SUCLG2: variants seen among roughly 807,000 people sequenced by gnomAD.
The protein encoded by SUCLG2 is succinate-CoA ligase GDP-forming subunit beta, also known as succinate--CoA ligase [GDP-forming] subunit beta, mitochondrial.
SUCLG2 carries 42 observed loss-of-function variants against 47.9 expected under a neutral mutation model. The ratio of observed to expected loss-of-function variants is 0.88; its 90% confidence interval spans 0.69 to 1.14. The LOEUF is 1.14. Ranked by LOEUF, SUCLG2 falls within the 50% of genes most tolerant of loss-of-function variation. The pLI is 0.00. For missense variants in SUCLG2, 571 were observed against 525.9 expected (o/e 1.09, Z -0.84); for synonymous variants, 195 against 197.3 (o/e 0.99, Z 0.10).
In SUCLG2 at chr3:67,581,283, A is replaced by C. The variant is rs78148016; in HGVS notation, c.226+28172T>G. The stretch of plus-strand genomic sequence containing the variant: ...AGAAGGCACAAGATCAAAAGTACGT[A>C]GTACCCAGCTATTTGTTAATACTGA... On this transcript the variant is annotated intron_variant, in intron 2 of 10. Transcript: ENST00000307227. Among the ~76,000 whole-genome samples, 320 of 152,362 alleles carry C rather than the reference A, an allele frequency of 2.1e-3. 1 individual carries two copies. Among genetic ancestry groups the C allele is most frequent in the African/African-American group, 7.4e-3 (307 of 41,590 alleles).
intron 1 of SUCLG2, among the ~76,000 whole-genome samples, chr3:67,639,023 G>A (rs563633832): frequency 2.0e-5 from 3 of 152,144 alleles, no homozygotes; most frequent in Non-Finnish European, 4.4e-5. Flanking sequence ...CCGTGGCCTT[G>A]TCCAGCTGCA....
intron 9 of SUCLG2, among the ~76,000 whole-genome samples, chr3:67,491,639 T>C (rs1479343083): frequency 6.6e-6 from 1 of 152,196 alleles, no homozygotes; most frequent in Non-Finnish European, 1.5e-5. Flanking sequence ...ATTACAGGCA[T>C]GAGCCACCGC....
rs1421257491 is a variant in SUCLG2 at position 67,400,918 on chromosome 3, T to C, written c.1063-67A>G. The C allele has an allele frequency of 1.6e-5, 25 of 1,598,126 alleles. No individual in the cohort carries two copies. In the South Asian group the frequency reaches 2.8e-4, roughly 18 times the overall value. ...GCCAACAGTCTCAAAAATAACTGGTTAAATAATAGAGACAATTAAAATAAG... is the reference window on the plus strand; with the variant it reads ...GCCAACAGTCTCAAAAATAACTGGTCAAATAATAGAGACAATTAAAATAAG... On this transcript the variant is annotated intron_variant, in intron 9 of 10. Transcript: ENST00000307227.
At chr3:67,373,961 C>T (rs1034423795), downstream of SUCLG2, among the ~76,000 whole-genome samples, 2 of 152,116 alleles carry the variant, frequency 1.3e-5, no homozygotes, top group African/African-American at 2.4e-5. Context: ...TGTTATTAAC[C>T]CTTTTATGAA....
rs1437252233 is a variant in SUCLG2, at chr3:67,495,802, G to C, written c.1058C>G (p.Pro353Arg). The change falls in exon 9 of 11, where the codon CCT (proline) becomes CGT (arginine). Residue 353 changes from proline (P) to arginine (R), a missense_variant. Coordinates refer to ENST00000307227, the MANE Select transcript of SUCLG2 (RefSeq NM_003848.4). ...CCCTACAAAGAGAAAGGTTACCTTA[G>C]GATCAGCTGTGAGCAATTTGAATGC... ...YQAFKLLTAD[P>R]KVEAILVNIF... is the part of the protein sequence containing the mutation. 1 of 1,613,718 alleles carries C rather than the reference G, an allele frequency of 6.2e-7. No individual in the cohort carries two copies. The highest frequency in any genetic ancestry group is 1.7e-5 in the Admixed American group (1 of 59,996).
At chr3:67,583,851 C>G (rs1707942505) in intron 2 of SUCLG2, among the ~76,000 whole-genome samples, 1 of 152,224 alleles carries the variant, frequency 6.6e-6, no homozygotes, top group Non-Finnish European at 1.5e-5. Context: ...CTTCTGACTT[C>G]CTCTACTTCC....
intron 1 of SUCLG2, among the ~76,000 whole-genome samples, chr3:67,628,167 T>G (rs1700867204): frequency 6.6e-6 from 1 of 152,212 alleles, no homozygotes; most frequent in Non-Finnish European, 1.5e-5. Flanking sequence ...AGTAAATACT[T>G]CCCTGTTTCA....
At chr3:67,537,591 G>A (rs1454847272) in intron 2 of SUCLG2, among the ~76,000 whole-genome samples, 2 of 152,166 alleles carry the variant, frequency 1.3e-5, no homozygotes, top group Non-Finnish European at 2.9e-5. Flanking sequence ...GCCCAGTAAT[G>A]GGATTGCTTG....
chr3:67,458,803 G>C (rs561763449), intron 9 of SUCLG2, among the ~76,000 whole-genome samples: 1 of 152,072 alleles, frequency 6.6e-6, no homozygotes, highest in African/African-American at 2.4e-5. Flanking sequence ...CTGGAATATC[G>C]TTAAACAACT....
intron 2 of SUCLG2, among the ~76,000 whole-genome samples, chr3:67,545,004 C>G (rs74872694): frequency 0.055 from 8,372 of 152,110 alleles, 333 homozygotes; most frequent in East Asian, 0.18. Flanking sequence ...TTTTATCATG[C>G]CAGTCTCAAA....
chr3:67,366,080 C>A (rs1701871030), intron 10 of SUCLG2, among the ~76,000 whole-genome samples: 2 of 152,152 alleles, frequency 1.3e-5, no homozygotes, highest in Non-Finnish European at 2.9e-5. Flanking sequence ...CATAAAATCC[C>A]TCACACTAAC....
At chr3:67,449,617 T>A (rs1469953776) in intron 9 of SUCLG2, among the ~76,000 whole-genome samples, 1 of 152,174 alleles carries the variant, frequency 6.6e-6, no homozygotes, top group Non-Finnish European at 1.5e-5. Flanking sequence ...ATTTTATTTT[T>A]ATTTTATTTT....
intron 7 of SUCLG2, among the ~76,000 whole-genome samples, chr3:67,499,673 G>C (rs1705444128): frequency 6.6e-6 from 1 of 152,046 alleles, no homozygotes; most frequent in South Asian, 2.1e-4. Flanking sequence ...TCTTAGTGTA[G>C]AAATTAGTGT....
rs141153205 is a variant in SUCLG2, at chr3:67,562,825, T to A, written c.227-33639A>T. 7.4e-3 allele frequency among the ~76,000 whole-genome samples: 1,131 copies of A among 152,290 alleles called. 13 individuals are homozygous for A. Among genetic ancestry groups the A allele is most frequent in the African/African-American group, 0.025 (1,057 of 41,566 alleles). On this transcript the variant is annotated intron_variant, in intron 2 of 10. Coordinates refer to ENST00000307227, the MANE Select transcript of SUCLG2 (RefSeq NM_003848.4). The stretch of plus-strand genomic sequence containing the variant: ...TAAATGCTCAGTAGGTGGTAGTCCC[T>A]ACTATTACTGCTATTAGTATTATCC...
intron 8 of SUCLG2, among the ~76,000 whole-genome samples, chr3:67,497,167 G>A (rs771691991): frequency 1.3e-5 from 2 of 152,178 alleles, no homozygotes; most frequent in East Asian, 3.8e-4. Context: ...TACAAAGCAA[G>A]AGCTTTTGGT....
intron 4 of SUCLG2, among the ~76,000 whole-genome samples, chr3:67,525,124 A>G (rs1262413856): frequency 3.3e-5 from 5 of 152,218 alleles, no homozygotes; most frequent in South Asian, 2.1e-4. Context: ...GATGAAATAA[A>G]TCAAAGGAGA....
intron 2 of SUCLG2, among the ~76,000 whole-genome samples, chr3:67,549,806 A>G (rs1457704855): frequency 1.3e-5 from 2 of 152,222 alleles, no homozygotes; most frequent in African/African-American, 4.8e-5. Context: ...ATGCCAAGAT[A>G]TTAACTCTGA....
chr3:67,507,746 A>AT (rs917670550), intron 7 of SUCLG2, among the ~76,000 whole-genome samples: 21 of 152,256 alleles, frequency 1.4e-4, no homozygotes, highest in Non-Finnish European at 8.8e-5. Context: ...GTGTTTACAC[A>AT]TAATGATTCA....
chr3:67,519,304 G>A (rs1706033460), intron 5 of SUCLG2, among the ~76,000 whole-genome samples: 2 of 152,124 alleles, frequency 1.3e-5, no homozygotes, highest in South Asian at 4.1e-4. Context: ...CTGTGCTCCA[G>A]CCATCAGAGA....
Sources: allele counts gnomAD v4.1 joint callset (sites outside exome capture counted in the v4.1 genomes callset), GRCh38; gene constraint gnomAD v4.1.1; transcripts MANE v1.5; gene names NCBI Gene and HGNC (gene_info 2026-07-23, HGNC 2026-07-21).